Variants in DIDO1 observed in about 807,000 individuals in gnomAD.
DIDO1 encodes the protein death inducer-obliterator 1.
Under a neutral mutation model 99.4 loss-of-function variants are expected in DIDO1, and 16 were observed. The observed-to-expected ratio is 0.16, with a 90% CI of 0.11 to 0.24. DIDO1 has a LOEUF of 0.24. DIDO1 is among the 10% of genes least tolerant of loss of function. DIDO1 has a pLI of 1.00. For missense variants in DIDO1, 2,996 were observed against 3,014.0 expected (o/e 0.99, Z 0.14); for synonymous variants, 1,366 against 1,239.1 (o/e 1.10, Z -2.15).
At chr20:62,936,095 C>T (rs529640687) in intron 1 of DIDO1, among the ~76,000 whole-genome samples, 2 of 152,208 alleles carry the variant, frequency 1.3e-5, no homozygotes, top group Non-Finnish European at 2.9e-5. Context: ...GCTTTCTGCT[C>T]GTGCATCCCC....
chr20:62,902,444 G>A (rs1278136778), intron 6 of DIDO1, among the ~76,000 whole-genome samples: 1 of 152,132 alleles, frequency 6.6e-6, no homozygotes, highest in Admixed American at 6.5e-5. Flanking sequence ...TCGTTTTATT[G>A]CCGCTGACAA....
Position 62,879,964 on chromosome 20 carries a change from A to C in DIDO1, c.5992T>G (p.Phe1998Val), listed in dbSNP as rs1223259345. Residue 1998 changes from phenylalanine to valine, a missense_variant, in exon 16 of 16, where the codon TTT becomes GTT. Coordinates refer to ENST00000395343, the MANE Select transcript of DIDO1 (RefSeq NM_001193369.2). This position sits in a 1 kb window ranked among gnomAD's most constrained non-coding sequence, Gnocchi z 6.3. ...QFGGLRGSAP[F>V]SEKNEQTPSR... ...GGGGTCTGCTCATTTTTTTCAGAAA[A>C]GGGTGCGGACCCCCGTAGTCCACCA... 1 of 1,603,974 alleles carries C rather than the reference A, an allele frequency of 6.2e-7. No homozygotes were observed. Among genetic ancestry groups the C allele is most frequent in the Admixed American group, 1.8e-5 (1 of 57,086 alleles).
chr20:62,905,330 T>G, intron 6 of DIDO1: 2 of 1,428,494 alleles, frequency 1.4e-6, no homozygotes, highest in Non-Finnish European at 1.8e-6. Context: ...AGCGTGTGAA[T>G]CGGACATGGA....
chr20:62,900,105 C>T (rs1204234759), intron 6 of DIDO1, among the ~76,000 whole-genome samples: 3 of 152,048 alleles, frequency 2.0e-5, no homozygotes, highest in East Asian at 1.9e-4. Flanking sequence ...CTCCCCTACA[C>T]GCTGCTGGGC....
intron 15 of DIDO1, chr20:62,889,159 C>T: frequency 1.0e-6 from 1 of 985,550 alleles, no homozygotes; most frequent in Non-Finnish European, 1.2e-6. Context: ...AGGTGAGTGA[C>T]CCCAGCCCAG....
At position 62,880,520 on chromosome 20, in the gene DIDO1, C is replaced by T. The variant is rs1338247018; in HGVS notation, c.5436G>A (p.Ser1812=). 6.2e-7 allele frequency: 1 copy of T among 1,612,800 alleles called. No individual in the cohort carries two copies. Among genetic ancestry groups the T allele is most frequent in the Non-Finnish European group, 8.5e-7 (1 of 1,179,954 alleles). ...AQKGPIPSLF[S]GQHGPPPYGD... The stretch of plus-strand genomic sequence containing the variant: ...CATAAGGAGGTGGCCCATGTTGCCC[C>T]GAGAATAAGGAAGGGATGGGCCCCT... Residue 1812 remains serine, a synonymous_variant, in exon 16 of 16, where the codon TCG becomes TCA. Coordinates refer to ENST00000395343, the MANE Select transcript of DIDO1 (RefSeq NM_001193369.2).
chr20:62,883,989 G>C (rs1458605243), intron 15 of DIDO1, among the ~76,000 whole-genome samples: 1 of 152,200 alleles, frequency 6.6e-6, no homozygotes. Flanking sequence ...CTGGGCAACA[G>C]AGTGAGACTC....
At chr20:62,923,292 C>A (rs2065191218) in intron 1 of DIDO1, among the ~76,000 whole-genome samples, 2 of 152,184 alleles carry the variant, frequency 1.3e-5, no homozygotes, top group South Asian at 2.1e-4. Context: ...TCTCCCACCT[C>A]GGCCTCCCAA....
At chr20:62,917,331 G>A (rs754577650) in intron 1 of DIDO1, among the ~76,000 whole-genome samples, 97 of 152,098 alleles carry the variant, frequency 6.4e-4, no homozygotes, top group Non-Finnish European at 2.2e-4. Context: ...TCACCTGGCC[G>A]ATAATGTCGG....
Position 62,911,619 on chromosome 20 carries a change from C to G in DIDO1, c.-2-5G>C. On this transcript the variant is annotated splice_polypyrimidine_tract_variant and splice_region_variant and intron_variant, in intron 2 of 15. Coordinates refer to ENST00000395343, the MANE Select transcript of DIDO1 (RefSeq NM_001193369.2). The surrounding 1 kb of genome is among the most constrained non-coding windows in gnomAD (Gnocchi z 7.0). Reference sequence around the variant, plus strand: ...GGTCGCCTTTGTCGTCCATACCTAGCGGTAAAGTGTAAGCACATAGTGACC... The same window carrying G: ...GGTCGCCTTTGTCGTCCATACCTAGGGGTAAAGTGTAAGCACATAGTGACC... The G allele has an allele frequency of 6.4e-7, 1 of 1,552,806 alleles. No homozygotes were observed. The highest frequency in any genetic ancestry group is 1.7e-4 in the Middle Eastern group (1 of 5,764).
chr20:62,884,383 G>A (rs779383496), intron 15 of DIDO1, among the ~76,000 whole-genome samples: 1 of 152,180 alleles, frequency 6.6e-6, no homozygotes, highest in Non-Finnish European at 1.5e-5. Context: ...ACGTGGGTGG[G>A]ACGTTTCAGC....
At position 62,894,625 on chromosome 20, in the gene DIDO1, G is replaced by A. The variant is rs1225059689; in HGVS notation, c.2437-77C>T. The A allele has an allele frequency of 3.9e-6, 6 of 1,554,674 alleles. No individual in the cohort carries two copies. The highest frequency in any genetic ancestry group is 5.2e-6 in the Non-Finnish European group (6 of 1,154,204). On this transcript the variant is annotated intron_variant, in intron 10 of 15. Transcript: ENST00000395343. This position sits in a 1 kb window ranked among gnomAD's most constrained non-coding sequence, Gnocchi z 4.4. Reference sequence around the variant, plus strand: ...TCCAAATTAACCACACACAAGAAAAGCAGTCTCATGGGATTGAGACCCACG... The same window carrying A: ...TCCAAATTAACCACACACAAGAAAAACAGTCTCATGGGATTGAGACCCACG...
At chr20:62,904,848 G>T in intron 6 of DIDO1, 1 of 268,722 alleles carries the variant, frequency 3.7e-6, no homozygotes, top group Non-Finnish European at 5.6e-6. Context: ...GCATAGGTCT[G>T]CTTGCCTGCA....
At chr20:62,914,928 A>G (rs2065012349) in intron 1 of DIDO1, among the ~76,000 whole-genome samples, 1 of 152,262 alleles carries the variant, frequency 6.6e-6, no homozygotes, top group African/African-American at 2.4e-5. Flanking sequence ...ACGTACTAAA[A>G]TCAACACGAT....
chr20:62,892,189 C>A, intron 13 of DIDO1, 113 bp from the exon 14 acceptor site: 2 of 873,812 alleles, frequency 2.3e-6, no homozygotes, highest in African/African-American at 1.7e-5. Context: ...TACAGCTATT[C>A]CAAGGAAAAG....
In DIDO1 at chr20:62,890,707, C is replaced by G. The variant is rs1457026229; in HGVS notation, c.3541+253G>C. On this transcript the variant is annotated intron_variant, in intron 15 of 15. Transcript: ENST00000395343. ...TTCTCTGACCTGAGGCCAAGATGAG[C>G]TGGTTGCAGGCTGTGGGTTTTTCCC... 2.2e-6 allele frequency: 3 copies of G among 1,343,850 alleles called. No homozygotes were observed. The East Asian group carries it at 9.2e-5, about 41-fold the overall frequency. 83.2% of individuals were successfully genotyped at this position (1,343,850 alleles called of 1,614,324 possible).
In DIDO1 at chr20:62,907,282, G is replaced by A. The variant is rs770685201; in HGVS notation, c.1239C>T (p.Cys413=). 49 of 1,614,086 alleles carry A rather than the reference G, an allele frequency of 3.0e-5. No homozygotes were observed. Among genetic ancestry groups the A allele is most frequent in the Non-Finnish European group, 2.1e-5 (25 of 1,180,056 alleles). The change falls in exon 5 of 16, where the codon TGC becomes TGT. Residue 413 remains cysteine, a synonymous_variant. Transcript: ENST00000395343. ...CHVAQPDSVY[C]SNDCILKHAA... The stretch of plus-strand genomic sequence containing the variant: ...CGTGTTTGAGGATACAGTCATTACT[G>A]CAGTACACCGAGTCGGGCTGCGCCA...
chr20:62,881,208 G>C lies in DIDO1; in HGVS notation c.4748C>G (p.Ala1583Gly). 6.2e-7 allele frequency: 1 copy of C among 1,606,016 alleles called. No homozygotes were observed. Among genetic ancestry groups the C allele is most frequent in the Non-Finnish European group, 8.5e-7 (1 of 1,178,522 alleles). ...GGGCAGGGCACCCTGGGCACCACGT[G>C]CCGAGAGCCTGGAGAGAGGCTCCCC... ...GEGEPLSRLS[A>G]RGAQGALPER... The change falls in exon 16 of 16, where the codon GCA becomes GGA. Residue 1583 changes from alanine to glycine, a missense_variant. Ala to Gly is a moderately conservative substitution (Grantham distance 60). Transcript: ENST00000395343. This position sits in a 1 kb window ranked among gnomAD's most constrained non-coding sequence, Gnocchi z 8.3.
chr20:62,935,636 G>A (rs1201838176), intron 1 of DIDO1, among the ~76,000 whole-genome samples: 18 of 152,216 alleles, frequency 1.2e-4, no homozygotes, highest in Admixed American at 1.2e-3. Context: ...TTGTTGACAT[G>A]AGAAAACCTC....
Sources: allele counts gnomAD v4.1 joint callset (sites outside exome capture counted in the v4.1 genomes callset), GRCh38; gene constraint gnomAD v4.1.1; non-coding constraint Gnocchi (gnomAD v3.1); transcripts MANE v1.5; gene names NCBI Gene and HGNC (gene_info 2026-07-23, HGNC 2026-07-21).